CBLN2: variants seen among roughly 807,000 people sequenced by gnomAD.
CBLN2 encodes cerebellin 2 precursor.
In CBLN2, 7 loss-of-function variants were observed where a neutral mutation model predicts 15.0. The ratio of observed to expected loss-of-function variants is 0.47; its 90% CI spans 0.27 to 0.88. The LOEUF is 0.88. Ranked by LOEUF, CBLN2 falls within the 40% of genes least tolerant of loss-of-function variation. CBLN2 has a pLI of 0.14. For synonymous variants in CBLN2, 149 were observed against 135.2 expected, an observed-to-expected ratio of 1.10 and a Z score of -0.71; for missense variants, 242 against 304.5, an observed-to-expected ratio of 0.79 and a Z score of 1.53.
chr18:72,590,774 C>G (rs1310134181), intron 1 of CBLN2, among the ~76,000 whole-genome samples: 1 of 152,162 alleles, frequency 6.6e-6, no homozygotes, highest in African/African-American at 2.4e-5. Context: ...ATAGTGATGT[C>G]TAAGTCCCAT....
chr18:72,545,028 G>A (rs1176021490), upstream of CBLN2, among the ~76,000 whole-genome samples: 1 of 151,628 alleles, frequency 6.6e-6, no homozygotes, highest in African/African-American at 2.4e-5. Context: ...GTTCATTAGA[G>A]CATCTGTATT....
At chr18:72,599,249 C>CTTTACAAA (rs1216768305) in intron 1 of CBLN2, among the ~76,000 whole-genome samples, 2 of 152,072 alleles carry the variant, frequency 1.3e-5, no homozygotes, top group Non-Finnish European at 2.9e-5. Flanking sequence ...GAAGTACATT[C>CTTTACAAA]TTTACAAATT....
intron 1 of CBLN2, among the ~76,000 whole-genome samples, chr18:72,578,313 A>G (rs2069381336): frequency 6.6e-6 from 1 of 152,208 alleles, no homozygotes; most frequent in African/African-American, 2.4e-5. Flanking sequence ...AATTACTCCT[A>G]GAATTGTTTG....
rs7237888 is a variant in CBLN2, at chr18:72,542,086, C to A, written c.75G>T (p.Pro25=). The A allele has an allele frequency of 0.88, 1,347,511 of 1,532,654 alleles. 613,643 individuals are homozygous for A. Among genetic ancestry groups the A allele is most frequent in the Non-Finnish European group, 0.94 (1,084,547 of 1,151,630 alleles). 94.9% of individuals were successfully genotyped at this position (1,532,654 alleles called of 1,614,324 possible). The change falls in exon 3 of 5, where the codon CCG becomes CCT. Residue 25 remains proline, a synonymous_variant. Transcript: ENST00000269503. Reference sequence around the variant, plus strand: ...CCCCCAGGCAGGATCCGCAGCCGCCCGGCTCGCGCAGCGCCCCCCGGCGCC... The same window carrying A: ...CCCCCAGGCAGGATCCGCAGCCGCCAGGCTCGCGCAGCGCCCCCCGGCGCC... ...MPGRRGALRE[P]GGCGSCLGVA...
chr18:72,571,374 C>T (rs2069331176), intron 1 of CBLN2, among the ~76,000 whole-genome samples: 1 of 151,348 alleles, frequency 6.6e-6, no homozygotes. Flanking sequence ...ACACAGAGGA[C>T]AAACTGATTG....
intron 1 of CBLN2, chr18:72,631,082 C>T (rs1291594108): frequency 6.6e-6 from 1 of 152,146 alleles, no homozygotes; most frequent in East Asian, 1.9e-4. Context: ...TGTGGAGGAC[C>T]TCAGCGACAC....
intron 1 of CBLN2, among the ~76,000 whole-genome samples, chr18:72,609,825 T>C (rs2069609223): frequency 6.6e-6 from 1 of 152,226 alleles, no homozygotes; most frequent in Non-Finnish European, 1.5e-5. Flanking sequence ...GAAATCGTTG[T>C]CACTAGCTGG....
upstream of CBLN2, among the ~76,000 whole-genome samples, chr18:72,547,118 A>T (rs1305783441): frequency 4.2e-5 from 3 of 72,142 alleles, no homozygotes; most frequent in Non-Finnish European, 9.1e-5. Context: ...TGTCACACAC[A>T]CACACACACA....
At chr18:72,558,223 C>T (rs2069238820) in intron 1 of CBLN2, among the ~76,000 whole-genome samples, 1 of 152,154 alleles carries the variant, frequency 6.6e-6, no homozygotes, top group Non-Finnish European at 1.5e-5. Context: ...TAAGGTTAGG[C>T]ACATGGGGGC....
At chr18:72,562,637 T>G (rs1038280490) in intron 1 of CBLN2, among the ~76,000 whole-genome samples, 2 of 152,224 alleles carry the variant, frequency 1.3e-5, no homozygotes, top group Admixed American at 1.3e-4. Flanking sequence ...ACTTTTATTT[T>G]AAACCCGGAT....
At chr18:72,552,988 C>T (rs534313542) in intron 1 of CBLN2, among the ~76,000 whole-genome samples, 19 of 152,254 alleles carry the variant, frequency 1.2e-4, no homozygotes, top group African/African-American at 4.1e-4. Context: ...AAATTTTCCA[C>T]CACATGGATG....
intron 1 of CBLN2, among the ~76,000 whole-genome samples, chr18:72,581,918 T>A (rs1213809794): frequency 6.6e-6 from 1 of 152,218 alleles, no homozygotes; most frequent in Non-Finnish European, 1.5e-5. Context: ...GGTTTCAGAC[T>A]TCTTCTGTCC....
chr18:72,564,861 C>T (rs903349021), intron 1 of CBLN2, among the ~76,000 whole-genome samples: 1 of 152,136 alleles, frequency 6.6e-6, no homozygotes, highest in South Asian at 2.1e-4. Context: ...TATAATCAAG[C>T]TGTCAAAACC....
At chr18:72,618,200 CT>C in intron 1 of CBLN2, 1 of 198,908 alleles carries the variant, frequency 5.0e-6, no homozygotes, top group South Asian at 1.3e-4. Context: ...TCTTTGCCAG[CT>C]TACTCCTTTC....
At chr18:72,616,275 C>T (rs1275648854) in intron 1 of CBLN2, among the ~76,000 whole-genome samples, 1 of 152,172 alleles carries the variant, frequency 6.6e-6, no homozygotes, top group Non-Finnish European at 1.5e-5. Flanking sequence ...ATGTTTCCTC[C>T]CTATATGTAG....
At chr18:72,588,953 GC>G (rs912038646) in intron 1 of CBLN2, among the ~76,000 whole-genome samples, 2 of 152,192 alleles carry the variant, frequency 1.3e-5, no homozygotes, top group African/African-American at 4.8e-5. Flanking sequence ...ATCATGAAAC[GC>G]AGTGAAAAGC....
intron 1 of CBLN2, among the ~76,000 whole-genome samples, chr18:72,637,577 C>A (rs2069822193): frequency 1.3e-5 from 2 of 152,196 alleles, no homozygotes; most frequent in African/African-American, 4.8e-5. Context: ...CTTGTCAACA[C>A]AATCACTGTG....
intron 1 of CBLN2, among the ~76,000 whole-genome samples, chr18:72,570,050 C>T (rs911541361): frequency 1.6e-4 from 25 of 152,232 alleles, no homozygotes; most frequent in Admixed American, 1.4e-3. Context: ...TGTATACATA[C>T]AATTGATTCT....
chr18:72,549,836 A>G (rs999796448), intron 1 of CBLN2, among the ~76,000 whole-genome samples: 1 of 152,114 alleles, frequency 6.6e-6, no homozygotes, highest in Admixed American at 6.5e-5. Flanking sequence ...ATTGTCATGG[A>G]TGGAGTTTCA....
Sources: gnomAD v4.1 joint callset for allele counts (sites outside exome capture counted in the v4.1 genomes callset) on GRCh38, gnomAD v4.1.1 for gene constraint, MANE v1.5 for transcripts, NCBI Gene and HGNC (gene_info 2026-07-23, HGNC 2026-07-21) for gene names.